Variants in DDI2 observed in about 807,000 individuals in gnomAD.
DDI2 encodes the protein protein DDI1 homolog 2.
A neutral mutation model predicts 48.1 loss-of-function variants in DDI2; 5 were observed. That is an observed-to-expected ratio of 0.10 (90% confidence interval 0.05 to 0.22). The LOEUF (loss-of-function observed/expected upper bound fraction) is 0.22, where lower values mean the gene tolerates loss of function less well. DDI2 is among the 10% of genes least tolerant of loss of function. DDI2 has a pLI of 1.00. For synonymous variants in DDI2, 205 were observed against 183.6 expected (o/e 1.12, Z -0.94); for missense variants, 285 against 506.2 (o/e 0.56, Z 4.19).
At chr1:15,626,627 T>G in intron 1 of DDI2, 42 bp from the exon 2 acceptor site, 1 of 1,611,672 alleles carries the variant, frequency 6.2e-7, no homozygotes, top group Non-Finnish European at 8.5e-7. Flanking sequence ...GCTGTGTTAC[T>G]TCTCAGTGCT....
At chr1:15,652,446 C>CGA (rs1436812543) in intron 8 of DDI2, among the ~76,000 whole-genome samples, 4 of 15,912 alleles carry the variant, frequency 2.5e-4, no homozygotes, top group African/African-American at 5.8e-4. Context: ...TGGGAGGCTC[C>CGA]GGAGGGGGGG....
In DDI2 at chr1:15,665,437, C is replaced by G. The variant is rs1640438817; in HGVS notation, c.*5647C>G. ...GTTTTTTCCCAAAGCATGTCTCTAG[C>G]AAGAGGGTACATAGAAATGGAACAT... On this transcript the variant is annotated 3_prime_UTR_variant, in exon 10 of 10. Transcript: ENST00000480945. The G allele has an allele frequency of 6.6e-6, 1 of 152,072 alleles. No individual in the cohort carries two copies. Among genetic ancestry groups the G allele is most frequent in the African/African-American group, 2.4e-5 (1 of 41,388 alleles). The allele number at this position is 152,072 out of a possible 1,614,324, so 9.4% of individuals were successfully genotyped here.
intron 3 of DDI2, 32 bp from the exon 4 acceptor site, chr1:15,633,407 A>G (rs762155354): frequency 6.8e-6 from 11 of 1,606,590 alleles, no homozygotes; most frequent in Non-Finnish European, 8.5e-6. Flanking sequence ...AAATATAGTG[A>G]TATTTAAGAT....
rs1640453059 is a variant in DDI2, at chr1:15,666,426, A to G, written c.*6636A>G. On this transcript the variant is annotated 3_prime_UTR_variant, in exon 10 of 10. Transcript: ENST00000480945. ...ATTCACAGTTATCCTGCATCAGACC[A>G]TTAGATTTCTTTAGTGCTATGATTA... The G allele has an allele frequency of 6.6e-6, 1 of 152,228 alleles. No homozygotes were observed. The highest frequency in any genetic ancestry group is 1.9e-4 in the East Asian group (1 of 5,204). The allele number at this position is 152,228 out of a possible 1,614,324, so 9.4% of individuals were successfully genotyped here. A position where few individuals can be genotyped will look rare whatever the true frequency, so the allele number is the denominator to read the frequency against.
At chr1:15,624,962 G>T (rs1193220609) in intron 1 of DDI2, among the ~76,000 whole-genome samples, 1 of 151,934 alleles carries the variant, frequency 6.6e-6, no homozygotes, top group Non-Finnish European at 1.5e-5. Flanking sequence ...TTCAAGTCAT[G>T]CATAAAACTT....
At position 15,662,160 on chromosome 1, in the gene DDI2, G is replaced by A. The variant is rs1482726203; in HGVS notation, c.*2370G>A. On this transcript the variant is annotated 3_prime_UTR_variant, in exon 10 of 10. Coordinates refer to ENST00000480945, the MANE Select transcript of DDI2 (RefSeq NM_032341.5). ...TGTGTCTGTGCTGATGGCAAGGTAT[G>A]GTTTGCTGGCTCAGTTGTCAATTTA... The A allele has an allele frequency of 6.4e-6, 1 of 155,130 alleles. No individual in the cohort carries two copies. The highest frequency in any genetic ancestry group is 2.4e-5 in the African/African-American group (1 of 41,482). 9.6% of individuals were successfully genotyped at this position (155,130 alleles called of 1,614,324 possible). A position where few individuals can be genotyped will look rare whatever the true frequency, so the allele number is the denominator to read the frequency against.
At chr1:15,633,260 A>G (rs529184957) in intron 3 of DDI2, among the ~76,000 whole-genome samples, 179 bp from the exon 4 acceptor site, 73 of 152,278 alleles carry the variant, frequency 4.8e-4, no homozygotes, top group African/African-American at 1.6e-3. Flanking sequence ...AATTTAAATG[A>G]TGAAATAGCC....
chr1:15,667,446 T>G lies in DDI2; in HGVS notation c.*7656T>G, dbSNP rs984216863. On this transcript the variant is annotated 3_prime_UTR_variant, in exon 10 of 10. Coordinates refer to ENST00000480945, the MANE Select transcript of DDI2 (RefSeq NM_032341.5). ...TAGAAACATGGAGTGTGCGGCAGCA[T>G]CCTCCTCACATCCCTTTGTGAGCAC... 1.3e-5 allele frequency: 2 copies of G among 152,202 alleles called. No homozygotes were observed. Among genetic ancestry groups the G allele is most frequent in the South Asian group, 2.1e-4 (1 of 4,834 alleles). The allele number at this position is 152,202 out of a possible 1,614,324, so 9.4% of individuals were successfully genotyped here.
Position 15,617,650 on chromosome 1 carries a change from G to GAGCCT in DDI2, c.-17_-16insTAGCC, listed in dbSNP as rs1639584671. The GAGCCT allele has an allele frequency of 4.3e-6, 6 of 1,409,796 alleles. No homozygotes were observed. The highest frequency in any genetic ancestry group is 5.6e-6 in the Non-Finnish European group (6 of 1,068,596). The allele number at this position is 1,409,796 out of a possible 1,614,324, so 87.3% of individuals were successfully genotyped here. On this transcript the variant is annotated 5_prime_UTR_variant, in exon 1 of 10. Transcript: ENST00000480945. ...CGCCCAGGCCGGGCCGAGCCGAGCCGAGCCGGGTCGGGCCCGGGCCATGCT... is the reference window on the plus strand; with the variant it reads ...CGCCCAGGCCGGGCCGAGCCGAGCCGAGCCTAGCCGGGTCGGGCCCGGGCCATGCT...
chr1:15,622,654 G>C (rs901886720), intron 1 of DDI2, among the ~76,000 whole-genome samples: 3 of 142,524 alleles, frequency 2.1e-5, no homozygotes, highest in African/African-American at 9.3e-5. Context: ...GATCAAGAAT[G>C]CCGGCAGCGG....
Position 15,665,604 on chromosome 1 carries a change from A to G in DDI2, c.*5814A>G, listed in dbSNP as rs1640441218. The G allele has an allele frequency of 1.3e-5, 2 of 152,212 alleles. No homozygotes were observed. The highest frequency in any genetic ancestry group is 2.9e-5 in the Non-Finnish European group (2 of 68,028). The allele number at this position is 152,212 out of a possible 1,614,324, so 9.4% of individuals were successfully genotyped here. A position where few individuals can be genotyped will look rare whatever the true frequency, so the allele number is the denominator to read the frequency against. ...ATGTCTATATATATGTGTGTAAGCT[A>G]GCATATACATATGGTGATTGACAAG... On this transcript the variant is annotated 3_prime_UTR_variant, in exon 10 of 10. Coordinates refer to ENST00000480945, the MANE Select transcript of DDI2 (RefSeq NM_032341.5).
chr1:15,655,517 T>A (rs1640257778), intron 8 of DDI2, among the ~76,000 whole-genome samples: 1 of 151,486 alleles, frequency 6.6e-6, no homozygotes, highest in South Asian at 2.1e-4. Flanking sequence ...TTTGGGAGGC[T>A]GAGGAAGGGT....
At chr1:15,634,353 G>A (rs992169067) in intron 4 of DDI2, 6 of 152,882 alleles carry the variant, frequency 3.9e-5, no homozygotes, top group African/African-American at 1.2e-4. Context: ...TGCTAATTGT[G>A]AAGAACTTAG....
At chr1:15,631,552 A>G (rs909182656) in intron 3 of DDI2, among the ~76,000 whole-genome samples, 1 of 152,246 alleles carries the variant, frequency 6.6e-6, no homozygotes, top group Admixed American at 6.5e-5. Context: ...GACTGTCTTT[A>G]AATTGGCAAT....
At chr1:15,635,384 A>G (rs1432612669) in intron 4 of DDI2, among the ~76,000 whole-genome samples, 2 of 152,152 alleles carry the variant, frequency 1.3e-5, no homozygotes, top group Non-Finnish European at 2.9e-5. Flanking sequence ...GAATGAAGGA[A>G]ATAGGGTGAC....
intron 8 of DDI2, 109 bp from the exon 9 acceptor site, chr1:15,656,508 A>G: frequency 1.2e-6 from 2 of 1,606,342 alleles, no homozygotes; most frequent in East Asian, 2.2e-5. Flanking sequence ...CTTGGAATCT[A>G]CCAGTTCCTG....
chr1:15,649,780 C>G lies in DDI2; in HGVS notation c.950C>G (p.Pro317Arg). Residue 317 changes from proline (P) to arginine (R), a missense_variant, in exon 7 of 10, where the codon CCC (proline) becomes CGC (arginine). Pro to Arg is a moderately radical substitution (Grantham distance 103). Around this residue, in one of 3 missense-constraint regions of DDI2, gnomAD observed 70 missense variants for 182.3 expected, o/e 0.38. Transcript: ENST00000480945. ...PCSFSILEEQ[P>R]MDMLLGLDML... The stretch of plus-strand genomic sequence containing the variant: ...TCCTTCTCTATACTTGAGGAACAGC[C>G]CATGGACATGCTTCTGGGACTGGAC... 1 of 1,613,420 alleles carries G rather than the reference C, an allele frequency of 6.2e-7. No homozygotes were observed.
chr1:15,622,967 C>T lies in DDI2; in HGVS notation c.139-3702C>T, dbSNP rs552809247. Among the ~76,000 whole-genome samples the T allele has an allele frequency of 9.2e-5, 14 of 152,240 alleles. No homozygotes were observed. The South Asian group carries it at 2.9e-3, about 32-fold the overall frequency. On this transcript the variant is annotated intron_variant, in intron 1 of 9. Transcript: ENST00000480945. ...CAGTCTAGTGTTTCCAGGAAATTGGCGCTGAAGCAACATTTCATATTTCAT... is the reference window on the plus strand; with the variant it reads ...CAGTCTAGTGTTTCCAGGAAATTGGTGCTGAAGCAACATTTCATATTTCAT...
At chr1:15,631,064 C>G (rs1570970968) in intron 3 of DDI2, among the ~76,000 whole-genome samples, 7 of 152,144 alleles carry the variant, frequency 4.6e-5, no homozygotes. Context: ...AGGATGGTCT[C>G]GATCTCCTGA....
Sources: allele counts gnomAD v4.1 joint callset (sites outside exome capture counted in the v4.1 genomes callset), GRCh38; gene constraint gnomAD v4.1.1; regional missense constraint gnomAD v4.1.1; transcripts MANE v1.5; gene names NCBI Gene and HGNC (gene_info 2026-07-23, HGNC 2026-07-21).